The following KIAA2012 variants were observed in gnomAD, a reference collection of about 807,000 sequenced individuals.
The protein encoded by KIAA2012 is uncharacterized protein KIAA2012.
A neutral mutation model predicts 150.6 loss-of-function variants in KIAA2012; 125 were observed. That is an observed-to-expected ratio of 0.83 (90% confidence interval 0.72 to 0.96). The LOEUF (loss-of-function observed/expected upper bound fraction) is 0.96. KIAA2012 is among the 40% of genes least tolerant of loss of function. The pLI, the probability that KIAA2012 is intolerant of heterozygous loss-of-function variation, is 0.00. For missense variants in KIAA2012, 1,219 were observed against 1,354.9 expected (o/e 0.90, Z 1.57); for synonymous variants, 462 against 504.7 (o/e 0.92, Z 1.13).
chr2:202,092,897 T>G, intron 3 of KIAA2012, 133 bp from the exon 4 acceptor site: 1 of 713,358 alleles, frequency 1.4e-6, no homozygotes. Context: ...ATCTCCCTCA[T>G]CTTCTAATTG....
chr2:202,093,036 T>C lies in KIAA2012; in HGVS notation c.536T>C (p.Ile179Thr). 1 of 1,550,328 alleles carries C rather than the reference T, an allele frequency of 6.5e-7. No individual in the cohort carries two copies. The highest frequency in any genetic ancestry group is 8.7e-7 in the Non-Finnish European group (1 of 1,146,866). ...AMYRLWCAGY[I>T]KDSVLLQDSQ... ...CTCCTGATCTACTCTTCAGGATACA[T>C]CAAGGATTCTGTGCTACTCCAGGAC... The change falls in exon 4 of 24, where the codon ATC becomes ACC. Residue 179 changes from isoleucine to threonine, a missense_variant. Coordinates refer to ENST00000498697, the MANE Select transcript of KIAA2012 (RefSeq NM_001277372.4).
At chr2:202,081,477 G>A (rs1037139883) in intron 2 of KIAA2012, among the ~76,000 whole-genome samples, 12 of 151,354 alleles carry the variant, frequency 7.9e-5, no homozygotes, top group African/African-American at 1.2e-4. Flanking sequence ...CACCAGCAGC[G>A]CACAAGAGTT....
At chr2:202,141,197 G>A (rs933934210) in intron 13 of KIAA2012, among the ~76,000 whole-genome samples, 1 of 152,114 alleles carries the variant, frequency 6.6e-6, no homozygotes, top group Admixed American at 6.6e-5. Context: ...AGCTGCAGTG[G>A]GAGCAGAAAC....
chr2:202,083,210 T>G (rs1419426172), intron 2 of KIAA2012, among the ~76,000 whole-genome samples: 1 of 152,208 alleles, frequency 6.6e-6, no homozygotes, highest in Non-Finnish European at 1.5e-5. Context: ...TCACCAAAGA[T>G]AGATAGGAGA....
At chr2:202,201,664 C>T (rs191350285) in intron 22 of KIAA2012, 5 of 1,610,618 alleles carry the variant, frequency 3.1e-6, no homozygotes, top group Non-Finnish European at 4.2e-6. Context: ...ACAGACTGGG[C>T]CATGGGAAGA....
At chr2:202,106,847 A>G (rs996289204) in intron 9 of KIAA2012, among the ~76,000 whole-genome samples, 1 of 152,154 alleles carries the variant, frequency 6.6e-6, no homozygotes, top group Non-Finnish European at 1.5e-5. Flanking sequence ...ATATTTAGAA[A>G]GCTCCCCATT....
rs548861507 is a variant in KIAA2012, at chr2:202,143,521, G to A, written c.1908+5013G>A. Among the ~76,000 whole-genome samples, 10 of 149,210 alleles carry A rather than the reference G, an allele frequency of 6.7e-5. 1 individual carries two copies. The highest frequency in any genetic ancestry group is 4.2e-4 in the South Asian group (2 of 4,732). ...AGTGCTGTCATGCTAACTTGAAATC[G>A]AGGTGGATTATGTTATTTGTTTTCC... is the stretch of plus-strand genomic sequence containing the variant. On this transcript the variant is annotated intron_variant, in intron 13 of 23. Transcript: ENST00000498697.
At chr2:202,102,856 G>C in intron 7 of KIAA2012, 90 bp from the exon 8 acceptor site, 1 of 1,239,576 alleles carries the variant, frequency 8.1e-7, no homozygotes, top group South Asian at 1.5e-5. Context: ...CCTGGTGCAA[G>C]AGATACAATA....
At chr2:202,183,585 C>T (rs1384073032) in intron 15 of KIAA2012, among the ~76,000 whole-genome samples, 2 of 148,890 alleles carry the variant, frequency 1.3e-5, no homozygotes, top group East Asian at 4.0e-4. Context: ...CTTACTGCAA[C>T]CTCCACCTCC....
intron 12 of KIAA2012, among the ~76,000 whole-genome samples, chr2:202,127,423 A>G (rs1690820892): frequency 6.6e-6 from 1 of 152,206 alleles, no homozygotes. Context: ...GGGACTAAAA[A>G]TTCTGATGGG....
chr2:202,090,821 G>C lies in KIAA2012; in HGVS notation c.421G>C (p.Glu141Gln). Residue 141 changes from glutamate to glutamine, a missense_variant, in exon 3 of 24, where the codon GAG becomes CAG. By Grantham distance (29) the Glu-to-Gln change is conservative (BLOSUM62 2). Coordinates refer to ENST00000498697, the MANE Select transcript of KIAA2012 (RefSeq NM_001277372.4). ...ATACCTCCACTTCCGAAGCCAGCTG[G>C]AGAGCCAGGCCCAACGGCAGATCCA... is the stretch of plus-strand genomic sequence containing the variant. ...QPYLHFRSQL[E>Q]SQAQRQIQPG... is the part of the protein sequence containing the mutation. 1 of 1,550,604 alleles carries C rather than the reference G, an allele frequency of 6.4e-7. No individual in the cohort carries two copies. Among genetic ancestry groups the C allele is most frequent in the East Asian group, 2.4e-5 (1 of 40,918 alleles).
rs748265796 is a variant in KIAA2012 at position 202,090,934 on chromosome 2, G to A, written c.529+5G>A. 9.1e-6 allele frequency: 14 copies of A among 1,538,762 alleles called. No homozygotes were observed. The highest frequency in any genetic ancestry group is 8.4e-5 in the South Asian group (7 of 83,126). On this transcript the variant is annotated splice_donor_5th_base_variant and intron_variant, in intron 3 of 23. Coordinates refer to ENST00000498697, the MANE Select transcript of KIAA2012 (RefSeq NM_001277372.4). The stretch of plus-strand genomic sequence containing the variant: ...TGTATAGGCTCTGGTGCGCAGGTCA[G>A]TGGGGAAATGGGAGGGGGGCACACC...
chr2:202,183,461 T>TG (rs1020234680), intron 15 of KIAA2012, among the ~76,000 whole-genome samples: 2 of 131,132 alleles, frequency 1.5e-5, no homozygotes, highest in South Asian at 4.7e-4. Context: ...GGGGGGTTTT[T>TG]GGGGGGTTTT....
chr2:202,149,449 G>A (rs1285894860), intron 13 of KIAA2012, among the ~76,000 whole-genome samples: 2 of 152,208 alleles, frequency 1.3e-5, no homozygotes, highest in African/African-American at 4.8e-5. Context: ...GGTTACAAAG[G>A]CCCTCCTCCT....
intron 2 of KIAA2012, among the ~76,000 whole-genome samples, chr2:202,076,000 C>T (rs17271344): frequency 0.072 from 10,952 of 152,314 alleles, 581 homozygotes; most frequent in Middle Eastern, 0.14. Context: ...AGGCCCCACC[C>T]ATGTGATTAG....
intron 4 of KIAA2012, among the ~76,000 whole-genome samples, chr2:202,096,032 C>A (rs1239966206): frequency 6.6e-6 from 1 of 152,060 alleles, no homozygotes; most frequent in Non-Finnish European, 1.5e-5. Flanking sequence ...TGCAGTGAGC[C>A]AAGATCATGC....
intron 23 of KIAA2012, among the ~76,000 whole-genome samples, chr2:202,203,898 T>C (rs1209506409): frequency 6.6e-6 from 1 of 151,662 alleles, no homozygotes; most frequent in Admixed American, 6.6e-5. Context: ...GCTTCCCGAG[T>C]AGCTGAGACT....
chr2:202,196,017 T>TC (rs1300760158), intron 21 of KIAA2012, among the ~76,000 whole-genome samples: 1 of 152,064 alleles, frequency 6.6e-6, no homozygotes, highest in African/African-American at 2.4e-5. Context: ...CTCAACATGC[T>TC]CATCTCCTCT....
chr2:202,112,973 C>T (rs1690411366), intron 10 of KIAA2012, among the ~76,000 whole-genome samples: 2 of 152,080 alleles, frequency 1.3e-5, no homozygotes, highest in Non-Finnish European at 2.9e-5. Context: ...AGCAGGAAGC[C>T]CTGTTCTCAG....
Sources: gnomAD v4.1 joint callset for allele counts (sites outside exome capture counted in the v4.1 genomes callset) on GRCh38, gnomAD v4.1.1 for gene constraint, MANE v1.5 for transcripts, NCBI Gene and HGNC (gene_info 2026-07-23, HGNC 2026-07-21) for gene names.